IMMP2L: variants seen among roughly 807,000 people sequenced by gnomAD.
IMMP2L encodes the protein inner mitochondrial membrane peptidase subunit 2.
A neutral mutation model predicts 19.3 loss-of-function variants in IMMP2L; 18 were observed. The ratio of observed to expected loss-of-function variants is 0.93; its 90% CI spans 0.64 to 1.38. The LOEUF (loss-of-function observed/expected upper bound fraction) is 1.38, where lower values mean the gene tolerates loss of function less well. Ranked by LOEUF, IMMP2L falls within the 40% of genes most tolerant of loss-of-function variation. IMMP2L has a pLI of 0.00. For missense variants in IMMP2L, 233 were observed against 218.2 expected (o/e 1.07, Z -0.43); for synonymous variants, 76 against 73.0 (o/e 1.04, Z -0.21).
chr7:111,159,724 G>A (rs1471837198), intron 3 of IMMP2L, among the ~76,000 whole-genome samples: 3 of 151,938 alleles, frequency 2.0e-5, no homozygotes, highest in East Asian at 3.9e-4. Context: ...CATCAGGTGA[G>A]TCATATATGT....
At chr7:110,741,519 C>G (rs562341744) in intron 5 of IMMP2L, among the ~76,000 whole-genome samples, 1 of 152,302 alleles carries the variant, frequency 6.6e-6, no homozygotes, top group South Asian at 2.1e-4. Flanking sequence ...TGAGGACACA[C>G]AGCAAGAAGG....
At chr7:110,868,440 T>C (rs1808215308) in intron 5 of IMMP2L, among the ~76,000 whole-genome samples, 1 of 152,098 alleles carries the variant, frequency 6.6e-6, no homozygotes, top group Non-Finnish European at 1.5e-5. Context: ...CAGTAGGTTA[T>C]ATTTTTATAA....
chr7:110,954,474 A>C (rs1456747456), intron 4 of IMMP2L, among the ~76,000 whole-genome samples: 4 of 152,108 alleles, frequency 2.6e-5, no homozygotes, highest in African/African-American at 9.7e-5. Context: ...ATAAATCATG[A>C]TTAAATCACA....
At chr7:111,473,032 G>C (rs374504465) in intron 3 of IMMP2L, among the ~76,000 whole-genome samples, 2 of 151,986 alleles carry the variant, frequency 1.3e-5, no homozygotes, top group African/African-American at 4.8e-5. Flanking sequence ...AATTTTGTAC[G>C]TATACCCTAT....
At chr7:111,212,542 C>T (rs1428839750) in intron 3 of IMMP2L, among the ~76,000 whole-genome samples, 2 of 151,490 alleles carry the variant, frequency 1.3e-5, no homozygotes, top group African/African-American at 4.9e-5. Flanking sequence ...GCCAGGGAGG[C>T]GGAGGCTGCA....
intron 3 of IMMP2L, among the ~76,000 whole-genome samples, chr7:110,993,257 C>G (rs1336558257): frequency 6.6e-6 from 1 of 152,070 alleles, no homozygotes; most frequent in East Asian, 1.9e-4. Flanking sequence ...ATCACCACAC[C>G]TGCCTCTCCT....
Position 111,300,348 on chromosome 7 carries a change from T to C in IMMP2L, c.239+186890A>G, listed in dbSNP as rs941431620. On this transcript the variant is annotated intron_variant, in intron 3 of 5. Coordinates refer to ENST00000405709, the MANE Select transcript of IMMP2L (RefSeq NM_032549.4). The stretch of plus-strand genomic sequence containing the variant: ...GGGCTGGAAGTCATATGTTGTCTAC[T>C]AATCAGCCAAAATAATGAGTAAAGG... Among the ~76,000 whole-genome samples the C allele has an allele frequency of 3.9e-5, 6 of 152,198 alleles. No homozygotes were observed. In the South Asian group the frequency reaches 6.2e-4, roughly 16 times the overall value.
rs193192263 is a variant in IMMP2L, at chr7:111,484,347, T to C, written c.239+2891A>G. On this transcript the variant is annotated intron_variant, in intron 3 of 5. Transcript: ENST00000405709. ...TGCAAATTTTCCAGAAAAGCACACATAATATTATAGTAGAAATGGTGTATT... is the reference window on the plus strand; with the variant it reads ...TGCAAATTTTCCAGAAAAGCACACACAATATTATAGTAGAAATGGTGTATT... Among the ~76,000 whole-genome samples the C allele has an allele frequency of 3.1e-3, 471 of 152,288 alleles. 5 individuals carry two copies. Among genetic ancestry groups the C allele is most frequent in the Non-Finnish European group, 4.3e-3 (293 of 67,996 alleles).
chr7:110,813,047 A>G (rs1027325934), intron 5 of IMMP2L, among the ~76,000 whole-genome samples: 11 of 152,068 alleles, frequency 7.2e-5, no homozygotes, highest in Non-Finnish European at 1.5e-5. Flanking sequence ...AGTTACGAGG[A>G]ATCACTTTGC....
In IMMP2L at chr7:111,350,580, T is replaced by A. The variant is rs567682774; in HGVS notation, c.239+136658A>T. ...CTGCATTTTATATGATCATTCTTCATAAATAATCATAGCCACAATAGCAGC... is the reference window on the plus strand; with the variant it reads ...CTGCATTTTATATGATCATTCTTCAAAAATAATCATAGCCACAATAGCAGC... On this transcript the variant is annotated intron_variant, in intron 3 of 5. Coordinates refer to ENST00000405709, the MANE Select transcript of IMMP2L (RefSeq NM_032549.4). 2.0e-5 allele frequency among the ~76,000 whole-genome samples: 3 copies of A among 152,132 alleles called. No individual in the cohort carries two copies. The East Asian group carries it at 5.8e-4, about 29-fold the overall frequency.
At chr7:111,176,653 T>C (rs1807094280) in intron 3 of IMMP2L, among the ~76,000 whole-genome samples, 1 of 152,008 alleles carries the variant, frequency 6.6e-6, no homozygotes, top group Admixed American at 6.6e-5. Flanking sequence ...AGTGTGAGGA[T>C]GGTTAATGGA....
Position 111,056,524 on chromosome 7 carries a change from G to A in IMMP2L, c.240-92959C>T, listed in dbSNP as rs73418026. Among the ~76,000 whole-genome samples the A allele has an allele frequency of 4.8e-3, 736 of 152,242 alleles. 5 individuals carry two copies. Among genetic ancestry groups the A allele is most frequent in the African/African-American group, 0.017 (706 of 41,544 alleles). ...AAAACATTTGAGGTAAAGCCCTTTC[G>A]TAATAATTACAGGTGACCCTTGAAC... On this transcript the variant is annotated intron_variant, in intron 3 of 5. Coordinates refer to ENST00000405709, the MANE Select transcript of IMMP2L (RefSeq NM_032549.4).
intron 3 of IMMP2L, among the ~76,000 whole-genome samples, chr7:111,113,253 C>A (rs1281181877): frequency 6.6e-6 from 1 of 152,196 alleles, no homozygotes; most frequent in African/African-American, 2.4e-5. Flanking sequence ...TTCTGTCAAA[C>A]TGAGTTAATC....
intron 2 of IMMP2L, among the ~76,000 whole-genome samples, chr7:111,506,745 C>T (rs1585416165): frequency 6.6e-6 from 1 of 152,252 alleles, no homozygotes; most frequent in South Asian, 2.1e-4. Flanking sequence ...TGTCAGGCTG[C>T]TGTGGCACAA....
intron 5 of IMMP2L, among the ~76,000 whole-genome samples, chr7:110,739,476 C>T (rs754740641): frequency 9.9e-5 from 15 of 152,166 alleles, no homozygotes; most frequent in African/African-American, 1.4e-4. Flanking sequence ...AAGGACATTA[C>T]ATAATGATAA....
At chr7:111,250,434 C>T (rs1815966276) in intron 3 of IMMP2L, among the ~76,000 whole-genome samples, 1 of 152,076 alleles carries the variant, frequency 6.6e-6, no homozygotes, top group Non-Finnish European at 1.5e-5. Flanking sequence ...CCAAAAGGAG[C>T]CTGAATAGCC....
intron 3 of IMMP2L, among the ~76,000 whole-genome samples, chr7:111,440,630 G>A (rs1163117856): frequency 6.6e-6 from 1 of 151,744 alleles, no homozygotes; most frequent in African/African-American, 2.4e-5. Context: ...ATGCTTAAGG[G>A]GCCTAGGATT....
chr7:110,776,844 T>G (rs551231744), intron 5 of IMMP2L, among the ~76,000 whole-genome samples: 1 of 152,138 alleles, frequency 6.6e-6, no homozygotes, highest in African/African-American at 2.4e-5. Flanking sequence ...TCTTACTTTA[T>G]ACCTCCCACT....
intron 3 of IMMP2L, among the ~76,000 whole-genome samples, chr7:111,222,595 A>G (rs1300782575): frequency 3.9e-5 from 6 of 152,004 alleles, no homozygotes; most frequent in African/African-American, 1.4e-4. Context: ...GTAATCAGGG[A>G]GATGTGCAAT....
Sources: allele counts gnomAD v4.1 joint callset (sites outside exome capture counted in the v4.1 genomes callset), GRCh38; gene constraint gnomAD v4.1.1; transcripts MANE v1.5; gene names NCBI Gene and HGNC (gene_info 2026-07-23, HGNC 2026-07-21).